The following MMGT1 variants were observed in gnomAD, a reference collection of about 807,000 sequenced individuals.
MMGT1 encodes the protein membrane magnesium transporter 1.
In MMGT1, 2 loss-of-function variants were observed where a neutral mutation model predicts 11.7. The ratio of observed to expected loss-of-function variants is 0.17; its 90% CI spans 0.07 to 0.54. The LOEUF (loss-of-function observed/expected upper bound fraction) is 0.54. MMGT1 is among the 20% of genes least tolerant of loss of function. The pLI is 0.94. For synonymous variants in MMGT1, 49 were observed against 44.4 expected (o/e 1.10, Z -0.41); for missense variants, 74 against 109.0 (o/e 0.68, Z 1.43).
rs1407747738 is a variant in MMGT1, at chrX:135,963,403, T to C, written c.*1621A>G. 1 of 112,095 alleles carries C rather than the reference T, an allele frequency of 8.9e-6. No homozygotes were observed. The highest frequency in any genetic ancestry group is 1.9e-5 in the Non-Finnish European group (1 of 53,191). 9.2% of individuals were successfully genotyped at this position (112,095 alleles called of 1,213,427 possible). A position where few individuals can be genotyped will look rare whatever the true frequency, so the allele number is the denominator to read the frequency against. On this transcript the variant is annotated 3_prime_UTR_variant, in exon 4 of 4. Coordinates refer to ENST00000305963, the MANE Select transcript of MMGT1 (RefSeq NM_173470.3). ...ACCAAATCGTACCAGAAGAAAACAG[T>C]AGCCAAGTCTGATGGAAGGAGCTTG...
chrX:135,972,988 C>T (rs1245949855), intron 1 of MMGT1, among the ~76,000 whole-genome samples: 1 of 112,383 alleles, frequency 8.9e-6, no homozygotes, highest in Admixed American at 9.4e-5. Flanking sequence ...CTCAGGGCAT[C>T]ACTGTATCTC....
At chrX:135,965,952 C>T (rs964233595) in intron 3 of MMGT1, among the ~76,000 whole-genome samples, 7 of 111,734 alleles carry the variant, frequency 6.3e-5, no homozygotes, top group Non-Finnish European at 1.1e-4. Context: ...TCCTTTTGGC[C>T]CTCTGTACCT....
intron 1 of MMGT1, among the ~76,000 whole-genome samples, chrX:135,971,493 T>C (rs1425576750): frequency 8.9e-6 from 1 of 111,892 alleles, no homozygotes; most frequent in Non-Finnish European, 1.9e-5. Flanking sequence ...GAGGCAGAAA[T>C]ACCTTAGTAT....
chrX:135,966,718 T>A (rs1376091838), intron 3 of MMGT1, among the ~76,000 whole-genome samples: 1 of 112,043 alleles, frequency 8.9e-6, no homozygotes, highest in Non-Finnish European at 1.9e-5. Context: ...AGGGGCATCA[T>A]GTCCAGGATC....
intron 1 of MMGT1, among the ~76,000 whole-genome samples, chrX:135,971,428 C>T (rs1556612589): frequency 8.9e-6 from 1 of 112,514 alleles, no homozygotes; most frequent in Non-Finnish European, 1.9e-5. Flanking sequence ...TTATTTTCAT[C>T]ATGACCTGCT....
intron 2 of MMGT1, among the ~76,000 whole-genome samples, chrX:135,969,839 T>C (rs1240403229): frequency 2.7e-5 from 3 of 112,110 alleles, no homozygotes; most frequent in Non-Finnish European, 5.6e-5. Context: ...GCTGTTTGTG[T>C]ATAGGAAGAA....
In MMGT1 at chrX:135,973,589, G is replaced by A. The variant is rs1406511460; in HGVS notation, c.79+8C>T. Reference sequence around the variant, plus strand: ...CACCGAAGCGGTCCCCGTGCCCCAGGCACTTACGCTGCGCAGCGGAAAAGG... The same window carrying A: ...CACCGAAGCGGTCCCCGTGCCCCAGACACTTACGCTGCGCAGCGGAAAAGG... On this transcript the variant is annotated splice_region_variant and intron_variant, in intron 1 of 3. Coordinates refer to ENST00000305963, the MANE Select transcript of MMGT1 (RefSeq NM_173470.3). The A allele has an allele frequency of 5.2e-6, 6 of 1,159,738 alleles. No homozygotes were observed. The Admixed American group carries it at 1.0e-4, about 20-fold the overall frequency.
intron 1 of MMGT1, among the ~76,000 whole-genome samples, chrX:135,973,304 C>T (rs1556612764): frequency 9.0e-6 from 1 of 111,681 alleles, no homozygotes; most frequent in Non-Finnish European, 1.9e-5. Context: ...GCCTGATCTG[C>T]CCCATGCTGG....
Position 135,964,794 on chromosome X carries a change from G to GAA in MMGT1, c.*228_*229dup. 4.0e-6 allele frequency: 1 copy of GAA among 250,047 alleles called. No individual in the cohort carries two copies. 20.6% of individuals were successfully genotyped at this position (250,047 alleles called of 1,213,427 possible). On this transcript the variant is annotated 3_prime_UTR_variant, in exon 4 of 4. Coordinates refer to ENST00000305963, the MANE Select transcript of MMGT1 (RefSeq NM_173470.3). ...CAAAAGATGTGGATTTGTTTTAAAT[G>GAA]AAAAAAAAAATAATTCCTATATGAA...
chrX:135,973,934 C>G lies in MMGT1; in HGVS notation c.-259G>C. The G allele has an allele frequency of 8.8e-7, 1 of 1,131,237 alleles. No homozygotes were observed. Among genetic ancestry groups the G allele is most frequent in the Non-Finnish European group, 1.2e-6 (1 of 853,529 alleles). 93.2% of individuals were successfully genotyped at this position (1,131,237 alleles called of 1,213,427 possible). Reference sequence around the variant, plus strand: ...GGAGGCCTCTCTAGGAGGGCCGGAGCCCAACGGAGTCATAAACGAAGAGGC... The same window carrying G: ...GGAGGCCTCTCTAGGAGGGCCGGAGGCCAACGGAGTCATAAACGAAGAGGC... On this transcript the variant is annotated 5_prime_UTR_variant, in exon 1 of 4. Coordinates refer to ENST00000305963, the MANE Select transcript of MMGT1 (RefSeq NM_173470.3).
At position 135,962,014 on chromosome X, in the gene MMGT1, G is replaced by A. The variant is rs782224865; in HGVS notation, c.*3010C>T. 6.5e-5 allele frequency: 7 copies of A among 108,515 alleles called. No individual in the cohort carries two copies. Among genetic ancestry groups the A allele is most frequent in the East Asian group, 2.9e-4 (1 of 3,490 alleles). 8.9% of individuals were successfully genotyped at this position (108,515 alleles called of 1,213,427 possible). On this transcript the variant is annotated 3_prime_UTR_variant, in exon 4 of 4. Coordinates refer to ENST00000305963, the MANE Select transcript of MMGT1 (RefSeq NM_173470.3). ...CTTACATTTTTCTGGGGACAGAAAAGCAGAAGAAATGAGATTAAAAGTCCA... is the reference window on the plus strand; with the variant it reads ...CTTACATTTTTCTGGGGACAGAAAAACAGAAGAAATGAGATTAAAAGTCCA...
At position 135,961,090 on chromosome X, in the gene MMGT1, C is replaced by T. The variant is rs2089152182; in HGVS notation, c.*3934G>A. The stretch of plus-strand genomic sequence containing the variant: ...TGAAAATAAAAAATACCCTCTGATC[C>T]AGCAATTGTATTGCTAGGTACACTG... On this transcript the variant is annotated 3_prime_UTR_variant, in exon 4 of 4. Coordinates refer to ENST00000305963, the MANE Select transcript of MMGT1 (RefSeq NM_173470.3). Among the ~76,000 whole-genome samples the T allele has an allele frequency of 9.0e-6, 1 of 111,596 alleles. No individual in the cohort carries two copies. The highest frequency in any genetic ancestry group is 1.9e-5 in the Non-Finnish European group (1 of 53,034).
Position 135,963,783 on chromosome X carries a change from ACAATT to A in MMGT1, c.*1236_*1240del, listed in dbSNP as rs1339994786. 5 of 112,425 alleles carry A rather than the reference ACAATT, an allele frequency of 4.4e-5. No individual in the cohort carries two copies. In the Admixed American group the frequency reaches 4.7e-4, roughly 11 times the overall value. 9.3% of individuals were successfully genotyped at this position (112,425 alleles called of 1,213,427 possible). A position where few individuals can be genotyped will look rare whatever the true frequency, so the allele number is the denominator to read the frequency against. On this transcript the variant is annotated 3_prime_UTR_variant, in exon 4 of 4. Transcript: ENST00000305963. ...ACAGTTATTCCCTTTTTACACCTAT[ACAATT>A]CAACAAAAGCAATGTTTTTATACCT...
Position 135,973,788 on chromosome X carries a change from G to A in MMGT1, c.-113C>T. Reference sequence around the variant, plus strand: ...AAAGATGACGTCACTGAAGTCCTGAGCGCAAAGTGTCTCAGTGGTGGAAAA... The same window carrying A: ...AAAGATGACGTCACTGAAGTCCTGAACGCAAAGTGTCTCAGTGGTGGAAAA... On this transcript the variant is annotated 5_prime_UTR_variant, in exon 1 of 4. Coordinates refer to ENST00000305963, the MANE Select transcript of MMGT1 (RefSeq NM_173470.3). 1 of 1,165,360 alleles carries A rather than the reference G, an allele frequency of 8.6e-7. No homozygotes were observed. The highest frequency in any genetic ancestry group is 1.1e-6 in the Non-Finnish European group (1 of 872,403).
intron 3 of MMGT1, among the ~76,000 whole-genome samples, chrX:135,965,874 C>T (rs2148117643): frequency 8.9e-6 from 1 of 112,372 alleles, no homozygotes; most frequent in South Asian, 3.7e-4. Context: ...ATTTGGCCCT[C>T]ATTATTCAAG....
At chrX:135,969,974 G>GTAACAGAGTCA (rs1569523349) in intron 2 of MMGT1, among the ~76,000 whole-genome samples, 1 of 111,856 alleles carries the variant, frequency 8.9e-6, no homozygotes. Context: ...TTTACTGTTT[G>GTAACAGAGTCA]ACTCTGTTAC....
Position 135,973,803 on chromosome X carries a change from G to A in MMGT1, c.-128C>T, listed in dbSNP as rs1054184994. ...GAAGTCCTGAGCGCAAAGTGTCTCAGTGGTGGAAAAGCCAGAGGGCTGTGA... is the reference window on the plus strand; with the variant it reads ...GAAGTCCTGAGCGCAAAGTGTCTCAATGGTGGAAAAGCCAGAGGGCTGTGA... On this transcript the variant is annotated 5_prime_UTR_variant, in exon 1 of 4. Coordinates refer to ENST00000305963, the MANE Select transcript of MMGT1 (RefSeq NM_173470.3). The A allele has an allele frequency of 1.7e-5, 20 of 1,165,039 alleles. No homozygotes were observed. Among genetic ancestry groups the A allele is most frequent in the Non-Finnish European group, 2.3e-5 (20 of 872,269 alleles).
chrX:135,967,706 A>G (rs1179639859), intron 2 of MMGT1, among the ~76,000 whole-genome samples: 1 of 112,052 alleles, frequency 8.9e-6, no homozygotes, highest in Non-Finnish European at 1.9e-5. Context: ...GCTTCAATAA[A>G]TAAATCTAGT....
chrX:135,973,517 C>G, intron 1 of MMGT1, 80 bp downstream of exon 1: 1 of 803,491 alleles, frequency 1.2e-6, no homozygotes, highest in Non-Finnish European at 1.8e-6. Flanking sequence ...GACACTCGGT[C>G]CGATGGTCCC....
Sources: gnomAD v4.1 joint callset for allele counts (sites outside exome capture counted in the v4.1 genomes callset) on GRCh38, gnomAD v4.1.1 for gene constraint, MANE v1.5 for transcripts, NCBI Gene and HGNC (gene_info 2026-07-23, HGNC 2026-07-21) for gene names.